The following XYLT1 variants were observed in gnomAD, a reference collection of about 807,000 sequenced individuals.
The protein encoded by XYLT1 is xylosyltransferase 1, also known as beta-D-xylosyltransferase 1.
Under a neutral mutation model 91.3 loss-of-function variants are expected in XYLT1, and 36 were observed. That is an observed-to-expected ratio of 0.39 (90% CI 0.30 to 0.52). XYLT1 has a LOEUF of 0.52. Ranked by LOEUF, XYLT1 falls within the 20% of genes least tolerant of loss-of-function variation. XYLT1 has a pLI of 0.68. For missense variants in XYLT1, 1,242 were observed against 1,284.5 expected, an observed-to-expected ratio of 0.97 and a Z score of 0.51; for synonymous variants, 588 against 532.0, an observed-to-expected ratio of 1.11 and a Z score of -1.45.
At chr16:17,204,706 G>C (rs528111148) in intron 3 of XYLT1, among the ~76,000 whole-genome samples, 1 of 152,298 alleles carries the variant, frequency 6.6e-6, no homozygotes, top group South Asian at 2.1e-4. Flanking sequence ...GTAGGCACAA[G>C]GAAGCTGAGG....
rs144804641 is a variant in XYLT1, at chr16:17,194,413, C to A, written c.1289+3799G>T. Among the ~76,000 whole-genome samples, 26 of 152,308 alleles carry A rather than the reference C, an allele frequency of 1.7e-4. No individual in the cohort carries two copies. The East Asian group carries it at 4.8e-3, about 28-fold the overall frequency. On this transcript the variant is annotated intron_variant, in intron 5 of 11. Coordinates refer to ENST00000261381, the MANE Select transcript of XYLT1 (RefSeq NM_022166.4). The stretch of plus-strand genomic sequence containing the variant: ...GGCAGCAATGCGCATGCCTACCTGG[C>A]CTCAAGTGGTCTTGGGCTTAATGCG...
intron 1 of XYLT1, among the ~76,000 whole-genome samples, chr16:17,360,441 A>G (rs1456678587): frequency 6.6e-6 from 1 of 152,238 alleles, no homozygotes; most frequent in African/African-American, 2.4e-5. Context: ...AGACCTTATC[A>G]GTGCATGGTC....
intron 2 of XYLT1, among the ~76,000 whole-genome samples, chr16:17,322,150 T>C (rs545692434): frequency 1.3e-5 from 2 of 152,282 alleles, no homozygotes; most frequent in Admixed American, 6.5e-5. Context: ...TTTCGCTTCA[T>C]GCATAAGACA....
At chr16:17,184,901 GC>G (rs1351416367) in intron 5 of XYLT1, among the ~76,000 whole-genome samples, 1 of 152,184 alleles carries the variant, frequency 6.6e-6, no homozygotes, top group Non-Finnish European at 1.5e-5. Context: ...AAAATAGCAA[GC>G]AAACAAACAA....
intron 5 of XYLT1, among the ~76,000 whole-genome samples, chr16:17,182,383 G>A (rs112007948): frequency 6.6e-6 from 1 of 152,130 alleles, no homozygotes; most frequent in African/African-American, 2.4e-5. Flanking sequence ...GAGAAAGAGA[G>A]AGCGAGCTCT....
chr16:17,277,966 G>T (rs760275518), intron 2 of XYLT1, among the ~76,000 whole-genome samples: 6 of 152,188 alleles, frequency 3.9e-5, no homozygotes, highest in Non-Finnish European at 7.3e-5. Context: ...GGAGCAACCA[G>T]CAAGAGAGGC....
At chr16:17,279,238 T>C (rs1030084605) in intron 2 of XYLT1, among the ~76,000 whole-genome samples, 8 of 152,230 alleles carry the variant, frequency 5.3e-5, no homozygotes, top group Non-Finnish European at 1.0e-4. Flanking sequence ...TTTGAAGCTG[T>C]GTGACCTTGG....
intron 5 of XYLT1, among the ~76,000 whole-genome samples, chr16:17,159,806 G>C (rs538071625): frequency 6.6e-6 from 1 of 152,326 alleles, no homozygotes; most frequent in Admixed American, 6.5e-5. Context: ...ATCCGCTTGC[G>C]CATACAGCTG....
chr16:17,398,055 C>T (rs1246686949), intron 1 of XYLT1, among the ~76,000 whole-genome samples: 2 of 151,998 alleles, frequency 1.3e-5, no homozygotes, highest in Non-Finnish European at 2.9e-5. Flanking sequence ...CTGCTGATCT[C>T]GTGAACAGCT....
chr16:17,301,725 T>G (rs1217156548), intron 2 of XYLT1, among the ~76,000 whole-genome samples: 2 of 152,166 alleles, frequency 1.3e-5, no homozygotes, highest in East Asian at 1.9e-4. Context: ...CAACAACAGG[T>G]GGCGAATGCT....
intron 3 of XYLT1, among the ~76,000 whole-genome samples, chr16:17,226,478 CTT>C (rs1482874680): frequency 6.6e-6 from 1 of 152,224 alleles, no homozygotes; most frequent in Non-Finnish European, 1.5e-5. Context: ...AGCATCCTTT[CTT>C]TAGTTGTGAC....
chr16:17,393,719 G>T (rs2035848889), intron 1 of XYLT1, among the ~76,000 whole-genome samples: 2 of 151,902 alleles, frequency 1.3e-5, no homozygotes, highest in South Asian at 2.1e-4. Context: ...TTCAAGACCA[G>T]CCTGGGAAAC....
At chr16:17,345,001 GGCCTA>G (rs1479158307) in intron 2 of XYLT1, among the ~76,000 whole-genome samples, 2 of 152,132 alleles carry the variant, frequency 1.3e-5, no homozygotes, top group African/African-American at 4.8e-5. Flanking sequence ...CACTGCGCCC[GGCCTA>G]ACACAGGCAA....
At chr16:17,451,096 G>A (rs544782568) in intron 1 of XYLT1, among the ~76,000 whole-genome samples, 5 of 152,328 alleles carry the variant, frequency 3.3e-5, no homozygotes, top group South Asian at 4.1e-4. Context: ...TTCAAAGAAC[G>A]TGATCAACTT....
intron 3 of XYLT1, among the ~76,000 whole-genome samples, chr16:17,235,417 G>T (rs77034721): frequency 6.7e-6 from 1 of 150,338 alleles, no homozygotes; most frequent in Non-Finnish European, 1.5e-5. Context: ...GGACGTACCA[G>T]TATCCCCATT....
At chr16:17,198,655 G>T (rs568095421) in intron 4 of XYLT1, among the ~76,000 whole-genome samples, 2 of 152,162 alleles carry the variant, frequency 1.3e-5, no homozygotes, top group African/African-American at 4.8e-5. Flanking sequence ...GCACTTCTGA[G>T]CTAATGGTTC....
intron 1 of XYLT1, among the ~76,000 whole-genome samples, chr16:17,414,807 C>T (rs560917685): frequency 6.6e-6 from 1 of 152,214 alleles, no homozygotes; most frequent in East Asian, 1.9e-4. Context: ...CCCTCAACTG[C>T]CGTTTGCTCA....
chr16:17,297,911 C>T (rs1419570953), intron 2 of XYLT1, among the ~76,000 whole-genome samples: 1 of 152,004 alleles, frequency 6.6e-6, no homozygotes, highest in African/African-American at 2.4e-5. Context: ...GTCCCAGCTA[C>T]TCGGGAGGCT....
intron 5 of XYLT1, among the ~76,000 whole-genome samples, chr16:17,185,392 T>C (rs973422932): frequency 6.6e-6 from 1 of 152,196 alleles, no homozygotes; most frequent in African/African-American, 2.4e-5. Context: ...GTGGAGGTTT[T>C]ATTGGATGGT....
Sources: gnomAD v4.1 joint callset for allele counts (sites outside exome capture counted in the v4.1 genomes callset) on GRCh38, gnomAD v4.1.1 for gene constraint, MANE v1.5 for transcripts, NCBI Gene and HGNC (gene_info 2026-07-23, HGNC 2026-07-21) for gene names.